Variants in PRR16 observed in about 807,000 individuals in gnomAD.
PRR16 encodes protein Largen.
Under a neutral mutation model 18.2 loss-of-function variants are expected in PRR16, and 6 were observed. The observed-to-expected ratio is 0.33, with a 90% CI of 0.18 to 0.65. PRR16 has a LOEUF of 0.65. Ranked by LOEUF, PRR16 falls within the 30% of genes least tolerant of loss-of-function variation. The pLI, the probability that PRR16 is intolerant of heterozygous loss-of-function variation, is 0.74. For synonymous variants in PRR16, 151 were observed against 147.8 expected (o/e 1.02, Z -0.16); for missense variants, 412 against 376.6 (o/e 1.09, Z -0.78).
the PRR16 span, among the ~76,000 whole-genome samples, chr5:120,764,454 CTTTGCTAG>C: frequency 1.3e-5 from 2 of 151,436 alleles, no homozygotes; most frequent in Non-Finnish European, 2.9e-5. Flanking sequence ...CTTGGGTTTA[CTTTGCTAG>C]TATTTTGTTG....
At chr5:120,721,612 T>A in the PRR16 span, among the ~76,000 whole-genome samples, 2 of 152,144 alleles carry the variant, frequency 1.3e-5, no homozygotes, top group East Asian at 3.9e-4. Flanking sequence ...GCCAAATTGT[T>A]GTGAGCAAGT....
chr5:120,497,574 A>G (rs1750297219), intron 1 of PRR16, among the ~76,000 whole-genome samples: 1 of 151,174 alleles, frequency 6.6e-6, no homozygotes, highest in Non-Finnish European at 1.5e-5. Flanking sequence ...TATTTTTAGT[A>G]CAGACGGGGT....
At chr5:120,544,018 A>G (rs114175577) in intron 1 of PRR16, among the ~76,000 whole-genome samples, 4 of 152,262 alleles carry the variant, frequency 2.6e-5, no homozygotes, top group Non-Finnish European at 5.9e-5. Flanking sequence ...TGTGGAGATA[A>G]TCTAGGCTAA....
chr5:120,762,287 T>C, the PRR16 span, among the ~76,000 whole-genome samples: 5 of 152,164 alleles, frequency 3.3e-5, no homozygotes, highest in Non-Finnish European at 4.4e-5. Flanking sequence ...TAAAGAAATC[T>C]CCATACTGTT....
intron 1 of PRR16, among the ~76,000 whole-genome samples, chr5:120,502,646 A>G (rs999861741): frequency 3.3e-5 from 5 of 152,146 alleles, no homozygotes; most frequent in Non-Finnish European, 7.4e-5. Flanking sequence ...TAGCCCTGTT[A>G]CTAACCTTGG....
intron 1 of PRR16, among the ~76,000 whole-genome samples, chr5:120,509,220 G>T (rs528887593): frequency 6.6e-6 from 1 of 152,158 alleles, no homozygotes; most frequent in East Asian, 1.9e-4. Context: ...AGCTCACATG[G>T]TTTATAAGCA....
chr5:120,699,384 T>C, the PRR16 span, among the ~76,000 whole-genome samples: 19 of 151,686 alleles, frequency 1.3e-4, no homozygotes, highest in South Asian at 3.6e-3. Context: ...AGAAGGAAAT[T>C]TGGGGAAATG....
intron 1 of PRR16, among the ~76,000 whole-genome samples, chr5:120,614,633 A>G (rs1334492747): frequency 1.3e-5 from 2 of 152,208 alleles, no homozygotes; most frequent in Non-Finnish European, 2.9e-5. Context: ...GGAACAAAAG[A>G]AGGAATTGTT....
the PRR16 span, among the ~76,000 whole-genome samples, chr5:120,783,561 A>T: frequency 6.6e-6 from 1 of 152,098 alleles, no homozygotes; most frequent in Admixed American, 6.5e-5. Flanking sequence ...TCTATCTTTT[A>T]AAAAAATTTA....
chr5:120,515,112 A>C lies in PRR16; in HGVS notation c.159+50467A>C, dbSNP rs946292510. ...TGAGAAGGCCAAGATCAAGTGCTGC[A>C]TCTGGTGACAACTTTCTTGCTGTGT... On this transcript the variant is annotated intron_variant, in intron 1 of 1. Coordinates refer to ENST00000407149, the MANE Select transcript of PRR16 (RefSeq NM_001300783.2). 2.6e-5 allele frequency among the ~76,000 whole-genome samples: 4 copies of C among 152,218 alleles called. No homozygotes were observed. The East Asian group carries it at 7.7e-4, about 29-fold the overall frequency.
chr5:120,760,446 A>G, the PRR16 span, among the ~76,000 whole-genome samples: 4 of 152,052 alleles, frequency 2.6e-5, no homozygotes, highest in African/African-American at 9.7e-5. Flanking sequence ...AGTTTAAAGC[A>G]TATTCCAGGT....
intron 1 of PRR16, among the ~76,000 whole-genome samples, chr5:120,683,116 G>C (rs1201533588): frequency 6.6e-6 from 1 of 152,114 alleles, no homozygotes; most frequent in East Asian, 1.9e-4. Flanking sequence ...CAGAAATACA[G>C]AGTTGAGGAC....
intron 1 of PRR16, among the ~76,000 whole-genome samples, chr5:120,666,850 A>G (rs1326445143): frequency 2.7e-5 from 4 of 148,268 alleles, no homozygotes; most frequent in Non-Finnish European, 4.5e-5. Flanking sequence ...GTGCTGCTGG[A>G]TTCAGTTTGC....
chr5:120,599,334 A>G (rs1033235641), intron 1 of PRR16, among the ~76,000 whole-genome samples: 1 of 151,872 alleles, frequency 6.6e-6, no homozygotes. Context: ...CTCCCTAACG[A>G]AAAAATTTCT....
chr5:120,652,503 TAGTA>T (rs34327701), intron 1 of PRR16, among the ~76,000 whole-genome samples: 9,035 of 152,166 alleles, frequency 0.059, 316 homozygotes, highest in South Asian at 0.084. Context: ...ATCATATTTT[TAGTA>T]AGTATTATTG....
At chr5:120,755,022 T>C in the PRR16 span, among the ~76,000 whole-genome samples, 2 of 150,378 alleles carry the variant, frequency 1.3e-5, no homozygotes, top group African/African-American at 4.9e-5. Flanking sequence ...GTGACTAAGT[T>C]TTTTTCACTT....
At chr5:120,632,905 GA>G (rs1334505921) in intron 1 of PRR16, among the ~76,000 whole-genome samples, 1 of 152,146 alleles carries the variant, frequency 6.6e-6, no homozygotes, top group African/African-American at 2.4e-5. Flanking sequence ...ATTGTAAAAA[GA>G]TTGTCACCTA....
At chr5:120,616,546 C>G (rs1451066847) in intron 1 of PRR16, among the ~76,000 whole-genome samples, 3 of 152,164 alleles carry the variant, frequency 2.0e-5, no homozygotes, top group Admixed American at 1.3e-4. Flanking sequence ...TTTCCTGATG[C>G]AAGGTATCCC....
At chr5:120,637,317 GAAAA>G (rs372136712) in intron 1 of PRR16, among the ~76,000 whole-genome samples, 21 of 62,648 alleles carry the variant, frequency 3.4e-4, no homozygotes, top group African/African-American at 1.4e-3. Context: ...CCATTATACG[GAAAA>G]AAAAAAAAAA....
Sources: allele counts gnomAD v4.1 joint callset (sites outside exome capture counted in the v4.1 genomes callset), GRCh38; gene constraint gnomAD v4.1.1; transcripts MANE v1.5; gene names NCBI Gene and HGNC (gene_info 2026-07-23, HGNC 2026-07-21).